The following ALK variants were observed in gnomAD, a reference collection of about 807,000 sequenced individuals.
ALK encodes ALK receptor tyrosine kinase, also known as ALK tyrosine kinase receptor.
A neutral mutation model predicts 163.1 loss-of-function variants in ALK; 74 were observed. That is an observed-to-expected ratio of 0.45 (90% confidence interval 0.38 to 0.55). The LOEUF (loss-of-function observed/expected upper bound fraction) is 0.55. Among genes scored for constraint, ALK ranks in the 20% least tolerant of loss-of-function variants. The probability of loss-of-function intolerance (pLI) is 0.00; values close to 1 mark genes in which losing one functional copy is unlikely to be tolerated. For missense variants in ALK, 2,063 were observed against 2,105.3 expected, an observed-to-expected ratio of 0.98 and a Z score of 0.39; for synonymous variants, 960 against 843.2, an observed-to-expected ratio of 1.14 and a Z score of -2.40.
At chr2:29,893,727 C>CTGTAATAATAGAAAT (rs926809485) in intron 1 of ALK, among the ~76,000 whole-genome samples, 5 of 152,132 alleles carry the variant, frequency 3.3e-5, no homozygotes, top group Non-Finnish European at 7.4e-5. Context: ...TCCATAATAT[C>CTGTAATAATAGAAAT]TGTAATAATA....
At chr2:29,812,267 TTAACA>T (rs1363311048) in intron 1 of ALK, among the ~76,000 whole-genome samples, 1 of 152,134 alleles carries the variant, frequency 6.6e-6, no homozygotes, top group Non-Finnish European at 1.5e-5. Context: ...TGGTAAATGT[TTAACA>T]ACCAGCTTTG....
intron 1 of ALK, among the ~76,000 whole-genome samples, chr2:29,901,756 T>C (rs1447499790): frequency 6.6e-6 from 1 of 152,216 alleles, no homozygotes; most frequent in Non-Finnish European, 1.5e-5. Context: ...CTATGAAGGA[T>C]TGGAGAGGGG....
intron 5 of ALK, among the ~76,000 whole-genome samples, chr2:29,378,573 ATTG>A (rs1668814144): frequency 6.6e-6 from 1 of 152,160 alleles, no homozygotes; most frequent in South Asian, 2.1e-4. Flanking sequence ...ACTTCATAGC[ATTG>A]TTGTAAGGAT....
chr2:29,873,645 A>G (rs1666631936), intron 1 of ALK, among the ~76,000 whole-genome samples: 2 of 152,174 alleles, frequency 1.3e-5, no homozygotes, highest in African/African-American at 4.8e-5. Context: ...AGAATTGAGC[A>G]TCTGGAGTCA....
Position 29,813,275 on chromosome 2 carries a change from C to A in ALK, c.668-95578G>T, listed in dbSNP as rs556673368. Among the ~76,000 whole-genome samples, 3 of 152,276 alleles carry A rather than the reference C, an allele frequency of 2.0e-5. No individual in the cohort carries two copies. In the South Asian group the frequency reaches 6.2e-4, roughly 32 times the overall value. On this transcript the variant is annotated intron_variant, in intron 1 of 28. Transcript: ENST00000389048. The stretch of plus-strand genomic sequence containing the variant: ...GGCACCAAAGAAGATTCAAAAATGT[C>A]TTTTCCAGGTGTCCTCACCTCATAT...
intron 1 of ALK, among the ~76,000 whole-genome samples, chr2:29,748,521 C>T (rs191693288): frequency 1.8e-3 from 280 of 152,020 alleles, no homozygotes; most frequent in Admixed American, 0.016. Context: ...ATGAACATGC[C>T]GCTGGTCAAA....
intron 1 of ALK, among the ~76,000 whole-genome samples, chr2:29,789,470 T>G (rs983745836): frequency 2.0e-5 from 3 of 152,218 alleles, no homozygotes; most frequent in Non-Finnish European, 4.4e-5. Context: ...ACACAGTTAC[T>G]TCTGCACCAT....
Position 29,276,616 on chromosome 2 carries a change from A to G in ALK, c.1818-1120T>C, listed in dbSNP as rs183769154. On this transcript the variant is annotated intron_variant, in intron 9 of 28. Coordinates refer to ENST00000389048, the MANE Select transcript of ALK (RefSeq NM_004304.5). Reference sequence around the variant, plus strand: ...CCATTGGTGACTGGGCAAACTCCATATGGTACAGCCATATGATGGGACGCC... The same window carrying G: ...CCATTGGTGACTGGGCAAACTCCATGTGGTACAGCCATATGATGGGACGCC... Among the ~76,000 whole-genome samples, 6 of 152,338 alleles carry G rather than the reference A, an allele frequency of 3.9e-5. No homozygotes were observed. In the East Asian group the frequency reaches 1.2e-3, roughly 29 times the overall value.
At chr2:29,331,165 C>G (rs140040803) in intron 5 of ALK, among the ~76,000 whole-genome samples, 1 of 152,114 alleles carries the variant, frequency 6.6e-6, no homozygotes, top group Admixed American at 6.5e-5. Flanking sequence ...TCATCTCTAC[C>G]TTTTTCTTAC....
At chr2:29,258,694 G>A (rs533445076) in intron 11 of ALK, among the ~76,000 whole-genome samples, 3 of 152,282 alleles carry the variant, frequency 2.0e-5, no homozygotes, top group Admixed American at 1.3e-4. Context: ...AAATGATCAC[G>A]TCTTTGGTCA....
chr2:29,488,684 C>G (rs1671834948), intron 4 of ALK, among the ~76,000 whole-genome samples: 1 of 152,132 alleles, frequency 6.6e-6, no homozygotes, highest in Non-Finnish European at 1.5e-5. Flanking sequence ...GGGAGAACTT[C>G]AAATTACTCA....
chr2:29,239,985 C>G (rs577685887), intron 12 of ALK, among the ~76,000 whole-genome samples, 155 bp from the exon 13 acceptor site: 9 of 152,310 alleles, frequency 5.9e-5, no homozygotes, highest in Admixed American at 3.3e-4. Flanking sequence ...TCTTCTCCCC[C>G]ACTTCAGGAA....
intron 3 of ALK, among the ~76,000 whole-genome samples, chr2:29,678,617 G>A (rs1677965122): frequency 6.6e-6 from 1 of 151,224 alleles, no homozygotes; most frequent in African/African-American, 2.4e-5. Flanking sequence ...ATTTCTTTCA[G>A]TGGTCAACTT....
At chr2:29,381,290 T>C (rs1438271446) in intron 5 of ALK, among the ~76,000 whole-genome samples, 1 of 152,294 alleles carries the variant, frequency 6.6e-6, no homozygotes, top group Non-Finnish European at 1.5e-5. Context: ...GCTTTGCGCA[T>C]GGCGAGTGCT....
chr2:29,202,422 C>G (rs566365283), intron 26 of ALK, among the ~76,000 whole-genome samples: 1 of 152,366 alleles, frequency 6.6e-6, no homozygotes, highest in East Asian at 1.9e-4. Flanking sequence ...ACAGAGTTAT[C>G]TATGTATCTA....
At chr2:29,615,481 T>C (rs961924011) in intron 3 of ALK, among the ~76,000 whole-genome samples, 1 of 152,234 alleles carries the variant, frequency 6.6e-6, no homozygotes, top group Admixed American at 6.5e-5. Context: ...CATTGGCTTA[T>C]AGCACTAACG....
intron 4 of ALK, among the ~76,000 whole-genome samples, chr2:29,474,296 A>G (rs1671447592): frequency 1.3e-5 from 2 of 152,246 alleles, no homozygotes; most frequent in African/African-American, 4.8e-5. Context: ...CTATAGGGAA[A>G]GAAGTCAAAT....
At chr2:29,323,016 T>G (rs1175331283) in intron 6 of ALK, among the ~76,000 whole-genome samples, 1 of 152,152 alleles carries the variant, frequency 6.6e-6, no homozygotes, top group Non-Finnish European at 1.5e-5. Context: ...TCATGGGTAT[T>G]GTTAGCACAA....
At chr2:29,744,604 A>G (rs1680157624) in intron 1 of ALK, among the ~76,000 whole-genome samples, 1 of 151,828 alleles carries the variant, frequency 6.6e-6, no homozygotes, top group Non-Finnish European at 1.5e-5. Context: ...AAATTATTTT[A>G]TTGATTGATT....
Sources: gnomAD v4.1 joint callset for allele counts (sites outside exome capture counted in the v4.1 genomes callset) on GRCh38, gnomAD v4.1.1 for gene constraint, MANE v1.5 for transcripts, NCBI Gene and HGNC (gene_info 2026-07-23, HGNC 2026-07-21) for gene names.